Variants in FNBP1 observed in about 807,000 individuals in gnomAD.
FNBP1 encodes the protein formin binding protein 1.
A neutral mutation model predicts 90.6 loss-of-function variants in FNBP1; 26 were observed. The ratio of observed to expected loss-of-function variants is 0.29; its 90% CI spans 0.21 to 0.40. The LOEUF is 0.40. Among genes scored for constraint, FNBP1 ranks in the 10% least tolerant of loss-of-function variants. The pLI, the probability that FNBP1 is intolerant of heterozygous loss-of-function variation, is 1.00. For missense variants in FNBP1, 635 were observed against 768.0 expected (o/e 0.83, Z 2.05); for synonymous variants, 260 against 265.2 (o/e 0.98, Z 0.19).
intron 13 of FNBP1, among the ~76,000 whole-genome samples, chr9:129,902,668 C>T (rs1197600554): frequency 6.6e-6 from 1 of 152,098 alleles, no homozygotes; most frequent in Non-Finnish European, 1.5e-5. Context: ...TTTACAGCCA[C>T]GATTAAGATA....
Position 129,888,437 on chromosome 9 carries a change from T to A in FNBP1, c.*2102A>T, listed in dbSNP as rs76316716. On this transcript the variant is annotated 3_prime_UTR_variant, in exon 17 of 17. Transcript: ENST00000446176. Reference sequence around the variant, plus strand: ...GCCACACTCACCATGCACCTGTTGGTTTGCAGGGACAGAGGTGCGGCCCTG... The same window carrying A: ...GCCACACTCACCATGCACCTGTTGGATTGCAGGGACAGAGGTGCGGCCCTG... The A allele has an allele frequency of 0.015, 3,555 of 232,568 alleles. 126 individuals carry two copies. Among genetic ancestry groups the A allele is most frequent in the African/African-American group, 0.073 (3,327 of 45,340 alleles). 14.4% of individuals were successfully genotyped at this position (232,568 alleles called of 1,614,324 possible).
At chr9:129,995,864 C>T (rs944716727) in intron 1 of FNBP1, among the ~76,000 whole-genome samples, 1 of 152,132 alleles carries the variant, frequency 6.6e-6, no homozygotes, top group African/African-American at 2.4e-5. Flanking sequence ...GAAGGACGAG[C>T]TTAGGAGTTT....
Position 129,957,204 on chromosome 9 carries a change from A to AT in FNBP1, c.513+155dup, listed in dbSNP as rs1185441265. 6.6e-6 allele frequency among the ~76,000 whole-genome samples: 1 copy of AT among 151,858 alleles called. No homozygotes were observed. The highest frequency in any genetic ancestry group is 1.5e-5 in the Non-Finnish European group (1 of 67,978). On this transcript the variant is annotated intron_variant, in intron 6 of 16. Transcript: ENST00000446176. The surrounding 1 kb of genome is among the most constrained non-coding windows in gnomAD (Gnocchi z 4.3). ...AGGTGCCTGCCACTGCACTCAGCTAATTTTTGTGTTTTTCGTAGAGATGGG... is the reference window on the plus strand; with the variant it reads ...AGGTGCCTGCCACTGCACTCAGCTAATTTTTTGTGTTTTTCGTAGAGATGGG...
At chr9:130,046,332 A>G (rs1309276203), upstream of FNBP1, among the ~76,000 whole-genome samples, 1 of 152,110 alleles carries the variant, frequency 6.6e-6, no homozygotes, top group African/African-American at 2.4e-5. Context: ...TAAGTTGTTC[A>G]GTAATGGTCA....
chr9:129,986,520 GGT>G (rs1283107489), intron 2 of FNBP1, among the ~76,000 whole-genome samples: 1 of 152,176 alleles, frequency 6.6e-6, no homozygotes, highest in African/African-American at 2.4e-5. Context: ...GGCCGGGCGT[GGT>G]GGCTCACGCC....
chr9:129,985,855 G>A (rs927557370), intron 2 of FNBP1, among the ~76,000 whole-genome samples: 6 of 151,778 alleles, frequency 4.0e-5, no homozygotes, highest in Admixed American at 2.0e-4. Context: ...CCAGCTGCTC[G>A]GAAGTCTGAG....
At chr9:129,891,141 C>A (rs1389996477) in intron 16 of FNBP1, among the ~76,000 whole-genome samples, 3 of 130,316 alleles carry the variant, frequency 2.3e-5, no homozygotes, top group Non-Finnish European at 1.6e-5. Flanking sequence ...GACAACAGAG[C>A]AAGACTCCGT....
chr9:129,901,857 A>G, intron 13 of FNBP1, among the ~76,000 whole-genome samples: 1 of 152,188 alleles, frequency 6.6e-6, no homozygotes, highest in East Asian at 1.9e-4. Flanking sequence ...GGTCACACTG[A>G]GGTGAGATCA....
intron 4 of FNBP1, among the ~76,000 whole-genome samples, chr9:129,965,693 C>CAA (rs2048450452): frequency 9.4e-5 from 4 of 42,400 alleles, no homozygotes; most frequent in Non-Finnish European, 2.0e-4. Flanking sequence ...AACACACACA[C>CAA]ACACGCGCGC....
At chr9:129,918,043 T>C (rs974594342) in intron 10 of FNBP1, among the ~76,000 whole-genome samples, 33 of 152,380 alleles carry the variant, frequency 2.2e-4, no homozygotes, top group African/African-American at 7.7e-4. Flanking sequence ...ATTTGCTCTC[T>C]ACTCGGCTAC....
At chr9:130,004,782 C>T (rs1413397471) in intron 1 of FNBP1, among the ~76,000 whole-genome samples, 1 of 152,120 alleles carries the variant, frequency 6.6e-6, no homozygotes, top group Non-Finnish European at 1.5e-5. Flanking sequence ...TAAAACTTTA[C>T]AGGCCGGGCG....
chr9:130,009,508 T>C (rs1325927689), intron 1 of FNBP1, among the ~76,000 whole-genome samples: 1 of 145,874 alleles, frequency 6.9e-6, no homozygotes, highest in East Asian at 2.0e-4. Context: ...TCATTTCTAC[T>C]AAAAAAAAAA....
chr9:129,989,155 A>G (rs896623802), intron 2 of FNBP1, among the ~76,000 whole-genome samples: 4 of 152,090 alleles, frequency 2.6e-5, no homozygotes, highest in African/African-American at 9.7e-5. Flanking sequence ...TAGCTCAGTA[A>G]CCACCCCCAC....
chr9:129,914,755 GTCTATATATATATATATA>G lies in FNBP1; in HGVS notation c.1185+1193_1185+1210del, dbSNP rs1412197678. 4.4e-3 allele frequency among the ~76,000 whole-genome samples: 429 copies of G among 98,434 alleles called. 8 individuals carry two copies. Among genetic ancestry groups the G allele is most frequent in the Admixed American group, 6.1e-3 (51 of 8,358 alleles). 64.6% of individuals were successfully genotyped at this position (98,434 alleles called of 152,430 possible). A position where few individuals can be genotyped will look rare whatever the true frequency, so the allele number is the denominator to read the frequency against. On this transcript the variant is annotated intron_variant, in intron 11 of 16. Transcript: ENST00000446176. ...AAAAATTATGTATATACATACATAT[GTCTATATATATATATATA>G]TATATATATATATATATATATCTCA...
intron 16 of FNBP1, among the ~76,000 whole-genome samples, chr9:129,892,256 G>T (rs2035172412): frequency 6.6e-6 from 1 of 152,006 alleles, no homozygotes. Context: ...ATATTTAACA[G>T]AGAGCAATCG....
At chr9:130,051,793 C>T in the FNBP1 span, among the ~76,000 whole-genome samples, 2 of 151,920 alleles carry the variant, frequency 1.3e-5, no homozygotes, top group African/African-American at 2.4e-5. Context: ...TCCTGGGCAA[C>T]AGTGTCTCTG....
At chr9:130,052,416 TG>T in the FNBP1 span, among the ~76,000 whole-genome samples, 2 of 152,182 alleles carry the variant, frequency 1.3e-5, no homozygotes, top group Non-Finnish European at 2.9e-5. Context: ...TATTATAAAA[TG>T]GGATTAAGAT....
rs551166579 is a variant in FNBP1, at chr9:129,916,040, A to T, written c.1171-60T>A. 2.7e-5 allele frequency: 34 copies of T among 1,244,062 alleles called. No individual in the cohort carries two copies. In the African/African-American group the frequency reaches 5.1e-4, roughly 19 times the overall value. The allele number at this position is 1,244,062 out of a possible 1,614,324, so 77.1% of individuals were successfully genotyped here. A position where few individuals can be genotyped will look rare whatever the true frequency, so the allele number is the denominator to read the frequency against. ...AGAGAGAAAGAGAGAGAGAAAGAGA[A>T]AAAAAAACAACAACACATCAGAAGA... On this transcript the variant is annotated intron_variant, in intron 10 of 16. Coordinates refer to ENST00000446176, the MANE Select transcript of FNBP1 (RefSeq NM_015033.3).
intron 11 of FNBP1, among the ~76,000 whole-genome samples, chr9:129,912,087 G>A (rs922274374): frequency 2.0e-5 from 3 of 152,114 alleles, no homozygotes; most frequent in Non-Finnish European, 4.4e-5. Context: ...CTGGACTTGC[G>A]ACTGGTGGGA....
Sources: gnomAD v4.1 joint callset for allele counts (sites outside exome capture counted in the v4.1 genomes callset) on GRCh38, gnomAD v4.1.1 for gene constraint, Gnocchi (gnomAD v3.1) non-coding constraint, MANE v1.5 for transcripts, NCBI Gene and HGNC (gene_info 2026-07-23, HGNC 2026-07-21) for gene names.